Variants in PNLDC1 observed in about 807,000 individuals in gnomAD.
PNLDC1 encodes the protein PARN like ribonuclease domain containing exonuclease 1, also known as poly(A)-specific ribonuclease PNLDC1.
Under a neutral mutation model 82.0 loss-of-function variants are expected in PNLDC1, and 70 were observed. The ratio of observed to expected loss-of-function variants is 0.85; its 90% CI spans 0.70 to 1.04. The LOEUF is 1.04. PNLDC1 is among the 50% of genes least tolerant of loss of function. The probability of loss-of-function intolerance (pLI) is 0.00; values close to 1 mark genes in which losing one functional copy is unlikely to be tolerated. For missense variants in PNLDC1, 631 were observed against 661.1 expected (o/e 0.95, Z 0.50); for synonymous variants, 280 against 249.3 (o/e 1.12, Z -1.16).
In PNLDC1 at chr6:159,819,075, C is replaced by T. The variant is rs200629089; in HGVS notation, c.1387C>T (p.Arg463Ter). 46 of 1,613,990 alleles carry T rather than the reference C, an allele frequency of 2.9e-5. 1 individual carries two copies. Among genetic ancestry groups the T allele is most frequent in the South Asian group, 2.2e-4 (20 of 91,070 alleles). The change falls in exon 17 of 19, where the codon CGA (arginine) becomes TGA (stop). Residue 463 changes from arginine to a stop codon, truncating the protein, a stop_gained. Coordinates refer to ENST00000392167, the MANE Select transcript of PNLDC1 (RefSeq NM_001271862.2). LOFTEE classifies it high-confidence loss of function. This position sits in a 1 kb window ranked among gnomAD's most constrained non-coding sequence, Gnocchi z 4.6. ...GAATCTCTGCAAGTTTGATGTCAGG[C>T]GACTCACAAGAAGCCAGTTCTTACT... Reference protein sequence around the residue: ...FQNLCKFDVRRLTRSQFLLLT... With the variant: ...FQNLCKFDVR
chr6:159,800,240 C>G, upstream of PNLDC1: 1 of 1,450,938 alleles, frequency 6.9e-7, no homozygotes. Flanking sequence ...GGCGGCGCGA[C>G]GGAAGCGCGT....
chr6:159,818,452 C>T (rs1005814565), intron 15 of PNLDC1, 103 bp from the exon 16 acceptor site: 11 of 1,041,236 alleles, frequency 1.1e-5, no homozygotes, highest in East Asian at 4.8e-5. Context: ...GAGAGCCGTC[C>T]GAGGGAGTGT....
rs534871145 is a variant in PNLDC1, at chr6:159,809,568, A to G, written c.783+410A>G. On this transcript the variant is annotated intron_variant, in intron 9 of 18. Coordinates refer to ENST00000392167, the MANE Select transcript of PNLDC1 (RefSeq NM_001271862.2). ...CTTGGCCTCCTAAAATGGTGGGATT[A>G]TAGGCATGAGCCACTGCACCTGGCC... 2.1e-3 allele frequency among the ~76,000 whole-genome samples: 316 copies of G among 150,992 alleles called. 1 individual carries two copies. Among genetic ancestry groups the G allele is most frequent in the African/African-American group, 7.3e-3 (298 of 40,888 alleles).
chr6:159,811,664 C>G lies in PNLDC1; in HGVS notation c.854-37C>G, dbSNP rs139114773. Reference sequence around the variant, plus strand: ...GTTCCTTCCCATTTTTGCCAACAAACAAATTCACTCTTGACTACCTGGGTT... The same window carrying G: ...GTTCCTTCCCATTTTTGCCAACAAAGAAATTCACTCTTGACTACCTGGGTT... On this transcript the variant is annotated intron_variant, in intron 10 of 18. Transcript: ENST00000392167. The G allele has an allele frequency of 3.7e-4, 571 of 1,558,210 alleles. 3 individuals are homozygous for G. In the African/African-American group the frequency reaches 6.8e-3, roughly 19 times the overall value.
chr6:159,813,495 G>T (rs970393684), intron 11 of PNLDC1, 106 bp from the exon 12 acceptor site: 2 of 928,494 alleles, frequency 2.2e-6, no homozygotes, highest in African/African-American at 3.2e-5. Context: ...GAGGTTGTAG[G>T]AGTGAGCATT....
At chr6:159,806,807 A>G (rs548647836) in intron 7 of PNLDC1, among the ~76,000 whole-genome samples, 1 of 152,096 alleles carries the variant, frequency 6.6e-6, no homozygotes, top group Admixed American at 6.6e-5. Flanking sequence ...TGCATAAAAC[A>G]TTCCTTAGGT....
At chr6:159,804,147 C>A (rs1026093504) in intron 5 of PNLDC1, 59 bp downstream of exon 5, 13 of 1,583,166 alleles carry the variant, frequency 8.2e-6, no homozygotes, top group Non-Finnish European at 1.1e-5. Context: ...GATGGAGTCT[C>A]GCTCTGTTGC....
rs73781672 is a variant in PNLDC1, at chr6:159,809,020, A to G, written c.645A>G (p.Val215=). The change falls in exon 9 of 19, where the codon GTA becomes GTG. Residue 215 remains valine (V), a synonymous_variant. Coordinates refer to ENST00000392167, the MANE Select transcript of PNLDC1 (RefSeq NM_001271862.2). ...IWTVLKDEGV[V]VKKVSKQHRW... The stretch of plus-strand genomic sequence containing the variant: ...AATTTGTCCCTGCTTTTCAGGTGGT[A>G]GTGAAGAAAGTGAGTAAACAACATC... 42,864 of 1,612,616 alleles carry G rather than the reference A, an allele frequency of 0.027. 767 individuals carry two copies. The highest frequency in any genetic ancestry group is 0.07 in the Middle Eastern group (424 of 6,054).
Position 159,816,609 on chromosome 6 carries a change from G to A in PNLDC1, c.1114+13G>A. On this transcript the variant is annotated intron_variant, in intron 14 of 18. Coordinates refer to ENST00000392167, the MANE Select transcript of PNLDC1 (RefSeq NM_001271862.2). ...CTCTGTGGGTCAGGTAAGGATTGCG[G>A]TTCCTTTAAAAGGAAACTCACTTTT... The A allele has an allele frequency of 6.2e-7, 1 of 1,609,348 alleles. No individual in the cohort carries two copies. Among genetic ancestry groups the A allele is most frequent in the African/African-American group, 1.3e-5 (1 of 74,192 alleles).
intron 10 of PNLDC1, among the ~76,000 whole-genome samples, chr6:159,811,257 CTG>C (rs1055601783): frequency 9.9e-5 from 15 of 152,176 alleles, no homozygotes; most frequent in Non-Finnish European, 2.1e-4. Context: ...GCAGGTATAA[CTG>C]ATAACTTTAC....
chr6:159,811,884 TTTTTG>T (rs71758879), intron 11 of PNLDC1, 98 bp downstream of exon 11: 150,348 of 881,888 alleles, frequency 0.17, 17,331 homozygotes, highest in African/African-American at 0.37. Flanking sequence ...TTTTTTGTTT[TTTTTG>T]TTTTGTTTTG....
In PNLDC1 at chr6:159,819,731, G is replaced by C. The variant is rs138037776; in HGVS notation, c.1532+379G>C. On this transcript the variant is annotated intron_variant, in intron 18 of 18. Transcript: ENST00000392167. This position sits in a 1 kb window ranked among gnomAD's most constrained non-coding sequence, Gnocchi z 4.6. ...GGCTGCAGTTCAAAGGAGCTGATGG[G>C]GGTCTTCATTAGAGACTTGGAGTGA... 6.6e-6 allele frequency among the ~76,000 whole-genome samples: 1 copy of C among 152,134 alleles called. No homozygotes were observed. Among genetic ancestry groups the C allele is most frequent in the Non-Finnish European group, 1.5e-5 (1 of 68,032 alleles).
chr6:159,818,452 C>A (rs1005814565), intron 15 of PNLDC1, 103 bp from the exon 16 acceptor site: 17 of 1,041,234 alleles, frequency 1.6e-5, no homozygotes, highest in Non-Finnish European at 2.3e-5. Flanking sequence ...GAGAGCCGTC[C>A]GAGGGAGTGT....
At chr6:159,804,174 T>A (rs189009294) in intron 5 of PNLDC1, 86 bp downstream of exon 5, 144 of 1,483,116 alleles carry the variant, frequency 9.7e-5, no homozygotes, top group Non-Finnish European at 1.2e-4. Context: ...TGGAGTGCAG[T>A]GGTGCAATCT....
In PNLDC1 at chr6:159,818,955, G is replaced by C; in HGVS notation, c.1267G>C (p.Gly423Arg). 3 of 1,613,758 alleles carry C rather than the reference G, an allele frequency of 1.9e-6. No homozygotes were observed. Among genetic ancestry groups the C allele is most frequent in the African/African-American group, 1.3e-5 (1 of 74,968 alleles). Residue 423 changes from glycine (G) to arginine (R), a missense_variant, in exon 17 of 19, where the codon GGT becomes CGT. Transcript: ENST00000392167. ...RAGVPKINFS[G>R]PDYPSIRPPI... ...TCTGCATGTTTTCTAGAATTTTTCT[G>C]GTCCAGATTATCCCAGTATCCGACC...
chr6:159,801,823 T>C (rs896693626), intron 3 of PNLDC1, among the ~76,000 whole-genome samples: 1 of 152,326 alleles, frequency 6.6e-6, no homozygotes, highest in South Asian at 2.1e-4. Flanking sequence ...GAAACTTTTT[T>C]TTTTTCCTTG....
In PNLDC1 at chr6:159,818,994, C is replaced by G. The variant is rs1202452376; in HGVS notation, c.1306C>G (p.Leu436Val). ...CAGTATCCGACCTCCCATCCTCATC[C>G]TCAGCGTCAAAAGGTGGCCTGGGGT... ...YPSIRPPILI[L>V]SVKRWPGVSE... The change falls in exon 17 of 19, where the codon CTC becomes GTC. Residue 436 changes from leucine (L) to valine (V), a missense_variant. By Grantham distance (32) the Leu-to-Val change is conservative. Coordinates refer to ENST00000392167, the MANE Select transcript of PNLDC1 (RefSeq NM_001271862.2). 6 of 1,613,936 alleles carry G rather than the reference C, an allele frequency of 3.7e-6. No homozygotes were observed. The highest frequency in any genetic ancestry group is 4.2e-6 in the Non-Finnish European group (5 of 1,180,020).
Position 159,818,665 on chromosome 6 carries a change from C to T in PNLDC1, c.1257+11C>T. 2 of 1,609,076 alleles carry T rather than the reference C, an allele frequency of 1.2e-6. No homozygotes were observed. The highest frequency in any genetic ancestry group is 1.7e-6 in the Non-Finnish European group (2 of 1,175,922). ...GGGGTCCCAAAGATCGTGAGTAGAT[C>T]TCATTTGGCCCCCTCGCCCCATTCA... On this transcript the variant is annotated intron_variant, in intron 16 of 18. Transcript: ENST00000392167.
chr6:159,820,407 C>T lies in PNLDC1; in HGVS notation c.1533-47C>T, dbSNP rs775490074. 20 of 1,597,662 alleles carry T rather than the reference C, an allele frequency of 1.3e-5. No individual in the cohort carries two copies. In the African/African-American group the frequency reaches 1.3e-4, roughly 11 times the overall value. Reference sequence around the variant, plus strand: ...GGGGCAAGCCTGTGTCGGTGCCTCTCGGCCTGCTGGGTGCCCCGGCCACTG... The same window carrying T: ...GGGGCAAGCCTGTGTCGGTGCCTCTTGGCCTGCTGGGTGCCCCGGCCACTG... On this transcript the variant is annotated intron_variant, in intron 18 of 18. Transcript: ENST00000392167.
Sources: gnomAD v4.1 joint callset for allele counts (sites outside exome capture counted in the v4.1 genomes callset) on GRCh38, gnomAD v4.1.1 for gene constraint, Gnocchi (gnomAD v3.1) non-coding constraint, MANE v1.5 for transcripts, NCBI Gene and HGNC (gene_info 2026-07-23, HGNC 2026-07-21) for gene names.